Variants in ERP27 observed in about 807,000 individuals in gnomAD.
ERP27 encodes the protein endoplasmic reticulum resident protein 27.
A neutral mutation model predicts 27.7 loss-of-function variants in ERP27; 23 were observed. That is an observed-to-expected ratio of 0.83 (90% CI 0.60 to 1.18). The LOEUF is 1.18. ERP27 is among the 50% of genes most tolerant of loss of function. The pLI, the probability that ERP27 is intolerant of heterozygous loss-of-function variation, is 0.00. For missense variants in ERP27, 363 were observed against 327.9 expected (o/e 1.11, Z -0.83); for synonymous variants, 159 against 118.3 (o/e 1.34, Z -2.23).
intron 5 of ERP27, 190 bp from the exon 6 acceptor site, chr12:14,915,876 G>T (rs1191987313): frequency 3.3e-6 from 2 of 598,596 alleles, no homozygotes; most frequent in South Asian, 2.2e-5. Context: ...TGGGAACGTG[G>T]ATGGGGCTGG....
chr12:14,931,622 A>G (rs528508738), intron 3 of ERP27, among the ~76,000 whole-genome samples: 1 of 152,316 alleles, frequency 6.6e-6, no homozygotes, highest in South Asian at 2.1e-4. Context: ...GGTAAACAAA[A>G]AACAGATGTT....
intron 3 of ERP27, chr12:14,929,247 A>T: frequency 1.3e-6 from 1 of 784,158 alleles, no homozygotes; most frequent in Non-Finnish European, 1.7e-6. Context: ...AATGCACTAA[A>T]TTGGAGGCAG....
At chr12:14,932,180 G>A (rs1406338107) in intron 3 of ERP27, among the ~76,000 whole-genome samples, 1 of 152,128 alleles carries the variant, frequency 6.6e-6, no homozygotes, top group East Asian at 1.9e-4. Context: ...TTCCAGCCTT[G>A]AATAGGTCAT....
chr12:14,927,146 G>A (rs2120591872), intron 3 of ERP27, among the ~76,000 whole-genome samples: 1 of 152,136 alleles, frequency 6.6e-6, no homozygotes, highest in South Asian at 2.1e-4. Context: ...GAACCTTATG[G>A]TTGTCCCTTT....
rs1357344327 is a variant in ERP27 at position 14,929,971 on chromosome 12, A to G, written c.333+4885T>C. ...AATATATACTTTAAAAAAAAGTTTC[A>G]TCATGGACACAGGTAGGGGAACATC... is the stretch of plus-strand genomic sequence containing the variant. On this transcript the variant is annotated intron_variant, in intron 3 of 6. Coordinates refer to ENST00000266397, the MANE Select transcript of ERP27 (RefSeq NM_152321.4). Among the ~76,000 whole-genome samples the G allele has an allele frequency of 2.0e-5, 3 of 151,422 alleles. No homozygotes were observed. In the East Asian group the frequency reaches 5.8e-4, roughly 29 times the overall value.
At chr12:14,934,646 T>C (rs1189770470) in intron 3 of ERP27, among the ~76,000 whole-genome samples, 1 of 152,192 alleles carries the variant, frequency 6.6e-6, no homozygotes, top group Non-Finnish European at 1.5e-5. Flanking sequence ...ACAAATTCCA[T>C]TCCCTGGCTT....
At chr12:14,922,488 G>A (rs1863520264) in intron 3 of ERP27, among the ~76,000 whole-genome samples, 1 of 128,628 alleles carries the variant, frequency 7.8e-6, no homozygotes, top group African/African-American at 2.9e-5. Flanking sequence ...CTTTTTCTCT[G>A]ATTTGAACGT....
At chr12:14,937,286 G>A (rs1462841373) in intron 2 of ERP27, among the ~76,000 whole-genome samples, 1 of 152,200 alleles carries the variant, frequency 6.6e-6, no homozygotes, top group Non-Finnish European at 1.5e-5. Context: ...TGAGAGAGTA[G>A]GGGCTTGATC....
chr12:14,934,430 G>A (rs1863744904), intron 3 of ERP27, among the ~76,000 whole-genome samples: 1 of 152,040 alleles, frequency 6.6e-6, no homozygotes, highest in Admixed American at 6.6e-5. Flanking sequence ...TCGGTATCTT[G>A]CATAGGGCAT....
intron 3 of ERP27, among the ~76,000 whole-genome samples, chr12:14,931,608 T>C (rs1863697955): frequency 6.6e-6 from 1 of 152,158 alleles, no homozygotes; most frequent in Non-Finnish European, 1.5e-5. Flanking sequence ...GGTCCGTCAC[T>C]AGCGGTAAAC....
Position 14,927,921 on chromosome 12 carries a change from C to G in ERP27, c.334-6873G>C, listed in dbSNP as rs535709944. Among the ~76,000 whole-genome samples the G allele has an allele frequency of 7.2e-5, 11 of 152,252 alleles. No homozygotes were observed. In the South Asian group the frequency reaches 2.1e-3, roughly 29 times the overall value. On this transcript the variant is annotated intron_variant, in intron 3 of 6. Coordinates refer to ENST00000266397, the MANE Select transcript of ERP27 (RefSeq NM_152321.4). ...CACTCAGATATATTGAAAGATAGGA[C>G]TTCATTCTTCCAATCATTGTTCTCA...
At chr12:14,923,400 A>C (rs970183619) in intron 3 of ERP27, among the ~76,000 whole-genome samples, 8 of 151,458 alleles carry the variant, frequency 5.3e-5, no homozygotes, top group African/African-American at 1.9e-4. Flanking sequence ...TCATATATAT[A>C]ATATTTACCA....
At chr12:14,937,831 G>C in intron 2 of ERP27, 121 bp downstream of exon 2, 2 of 705,634 alleles carry the variant, frequency 2.8e-6, no homozygotes, top group South Asian at 3.6e-5. Flanking sequence ...CAAACTGGGT[G>C]GCTGTCTCCC....
Position 14,915,640 on chromosome 12 carries a change from A to G in ERP27, c.623T>C (p.Val208Ala), listed in dbSNP as rs1343819764. The G allele has an allele frequency of 1.2e-6, 2 of 1,614,134 alleles. No homozygotes were observed. Among genetic ancestry groups the G allele is most frequent in the South Asian group, 1.1e-5 (1 of 91,070 alleles). Residue 208 changes from valine to alanine, a missense_variant, in exon 6 of 7, where the codon GTG becomes GCG. Coordinates refer to ENST00000266397, the MANE Select transcript of ERP27 (RefSeq NM_152321.4). ...CTCCTTTAGTTTGAAAAATGATATC[A>G]CCTTCCCATTTTCTTTCATACCACT... ...VDSGMKENGK[V>A]ISFFKLKESQ...
intron 3 of ERP27, among the ~76,000 whole-genome samples, chr12:14,928,165 T>C (rs185328653): frequency 9.8e-5 from 15 of 152,316 alleles, no homozygotes; most frequent in Admixed American, 9.8e-4. Context: ...GTGCTATCTG[T>C]ATAGGTCCTG....
intron 3 of ERP27, among the ~76,000 whole-genome samples, chr12:14,931,919 A>G (rs1863703580): frequency 6.6e-6 from 1 of 152,196 alleles, no homozygotes; most frequent in Non-Finnish European, 1.5e-5. Context: ...CACGAAAGGC[A>G]TTTGCCTAAC....
At chr12:14,919,130 A>T (rs117593384) in intron 4 of ERP27, among the ~76,000 whole-genome samples, 2,662 of 152,252 alleles carry the variant, frequency 0.017, 30 homozygotes, top group Non-Finnish European at 0.026. Context: ...ACTGGTGCAA[A>T]CCTTTGCACC....
At chr12:14,920,043 T>C (rs543166955) in intron 4 of ERP27, among the ~76,000 whole-genome samples, 5 of 152,354 alleles carry the variant, frequency 3.3e-5, no homozygotes, top group Admixed American at 2.6e-4. Flanking sequence ...GAACTGGTAT[T>C]GGAGAATAGA....
Position 14,917,216 on chromosome 12 carries a change from G to C in ERP27, c.538C>G (p.His180Asp). 1 of 1,614,118 alleles carries C rather than the reference G, an allele frequency of 6.2e-7. No homozygotes were observed. The highest frequency in any genetic ancestry group is 8.5e-7 in the Non-Finnish European group (1 of 1,180,000). ...KASPEYEENM[H>D]RYQKAAKLFQ... Reference sequence around the variant, plus strand: ...AGCTTGGCTGCCTTCTGGTATCTGTGCATGTTCTCTTCATACTCTGGGGAG... The same window carrying C: ...AGCTTGGCTGCCTTCTGGTATCTGTCCATGTTCTCTTCATACTCTGGGGAG... Residue 180 changes from histidine to aspartate, a missense_variant, in exon 5 of 7, where the codon CAC (histidine) becomes GAC (aspartate). His to Asp is a moderately conservative substitution (Grantham distance 81, BLOSUM62 -1). Coordinates refer to ENST00000266397, the MANE Select transcript of ERP27 (RefSeq NM_152321.4).
Sources: allele counts gnomAD v4.1 joint callset (sites outside exome capture counted in the v4.1 genomes callset), GRCh38; gene constraint gnomAD v4.1.1; transcripts MANE v1.5; gene names NCBI Gene and HGNC (gene_info 2026-07-23, HGNC 2026-07-21).